CROT: variants seen among roughly 807,000 people sequenced by gnomAD.
CROT encodes the protein peroxisomal carnitine O-octanoyltransferase.
CROT carries 84 observed loss-of-function variants against 89.2 expected under a neutral mutation model. The ratio of observed to expected loss-of-function variants is 0.94; its 90% CI spans 0.79 to 1.13. The LOEUF (loss-of-function observed/expected upper bound fraction) is 1.13. CROT is among the 50% of genes most tolerant of loss of function. The pLI, the probability that CROT is intolerant of heterozygous loss-of-function variation, is 0.00. For synonymous variants in CROT, 212 were observed against 239.5 expected (o/e 0.89, Z 1.06); for missense variants, 711 against 727.8 (o/e 0.98, Z 0.27).
At chr7:87,393,969 A>C (rs1807446762) in intron 17 of CROT, among the ~76,000 whole-genome samples, 1 of 152,176 alleles carries the variant, frequency 6.6e-6, no homozygotes, top group Non-Finnish European at 1.5e-5. Context: ...GAATGCATAA[A>C]ATATATACAG....
Position 87,398,380 on chromosome 7 carries a change from A to G in CROT, c.1719-144A>G, listed in dbSNP as rs765143410. On this transcript the variant is annotated intron_variant, in intron 17 of 17. Coordinates refer to ENST00000331536, the MANE Select transcript of CROT (RefSeq NM_021151.4). ...ATCTACAGATATGGCTTTACCTTCA[A>G]TTGTGTCAGGTTACATTTACCTAAT... 2.3e-5 allele frequency: 22 copies of G among 970,412 alleles called. 1 individual carries two copies. The highest frequency in any genetic ancestry group is 1.3e-5 in the South Asian group (1 of 75,552). The allele number at this position is 970,412 out of a possible 1,614,324, so 60.1% of individuals were successfully genotyped here.
chr7:87,361,495 C>T lies in CROT; in HGVS notation c.346C>T (p.Pro116Ser). ...PAAHFEHYWP[P>S]KEGTQLERGS... ...AGCTCATTTTGAACACTACTGGCCT[C>T]CAAAGGAAGGGACTCAATTAGAAAG... Residue 116 changes from proline (P) to serine (S), a missense_variant, in exon 5 of 18, where the codon CCA (proline) becomes TCA (serine). By Grantham distance (74) the Pro-to-Ser change is moderately conservative (BLOSUM62 -1). Transcript: ENST00000331536. 2.5e-6 allele frequency: 4 copies of T among 1,612,202 alleles called. No homozygotes were observed. Among genetic ancestry groups the T allele is most frequent in the Non-Finnish European group, 3.4e-6 (4 of 1,179,506 alleles).
chr7:87,365,481 C>T (rs548300423), intron 6 of CROT, among the ~76,000 whole-genome samples: 32 of 144,502 alleles, frequency 2.2e-4, no homozygotes, highest in Non-Finnish European at 4.2e-4. Flanking sequence ...CAGAGTGAGA[C>T]TCCATCTCAA....
At chr7:87,395,499 G>A (rs1807497181) in intron 17 of CROT, among the ~76,000 whole-genome samples, 1 of 152,198 alleles carries the variant, frequency 6.6e-6, no homozygotes, top group Non-Finnish European at 1.5e-5. Context: ...AAGGCAGAAA[G>A]GGATAGGCCA....
chr7:87,392,684 T>G (rs1807403989), intron 15 of CROT, 40 bp downstream of exon 15: 1 of 1,609,978 alleles, frequency 6.2e-7, no homozygotes, highest in South Asian at 1.1e-5. Flanking sequence ...AAATCTCTCA[T>G]GGTGAAAAAT....
rs1020976056 is a variant in CROT, at chr7:87,383,789, G to A, written c.1301+1246G>A. 2.6e-5 allele frequency among the ~76,000 whole-genome samples: 4 copies of A among 152,124 alleles called. No homozygotes were observed. In the South Asian group the frequency reaches 8.3e-4, roughly 32 times the overall value. ...TGGGATTAGAGGTGTGAGCCACCAC[G>A]CCCGGCCCACATTTTCTTTATCCAT... On this transcript the variant is annotated intron_variant, in intron 13 of 17. Transcript: ENST00000331536.
chr7:87,349,411 CTT>C (rs1805801614), intron 3 of CROT, among the ~76,000 whole-genome samples: 2 of 152,206 alleles, frequency 1.3e-5, no homozygotes, highest in East Asian at 1.9e-4. Flanking sequence ...AGCAGACTGT[CTT>C]TAAGTTTTTC....
At position 87,391,492 on chromosome 7, in the gene CROT, GTC is replaced by G. The variant is rs1018693125; in HGVS notation, c.1302-93_1302-92del. 1.6e-5 allele frequency: 20 copies of G among 1,214,894 alleles called. No individual in the cohort carries two copies. In the African/African-American group the frequency reaches 3.0e-4, roughly 18 times the overall value. The allele number at this position is 1,214,894 out of a possible 1,614,324, so 75.3% of individuals were successfully genotyped here. On this transcript the variant is annotated intron_variant, in intron 13 of 17. Coordinates refer to ENST00000331536, the MANE Select transcript of CROT (RefSeq NM_021151.4). ...CAACCTATCTGTGTTAAAGGGCTTA[GTC>G]TCTGAACAAAGCTAGCTTTATTAGG...
chr7:87,390,580 C>T (rs1807327312), intron 13 of CROT, among the ~76,000 whole-genome samples: 1 of 152,188 alleles, frequency 6.6e-6, no homozygotes, highest in Non-Finnish European at 1.5e-5. Flanking sequence ...TACCCACATT[C>T]AGAGACTTTT....
At chr7:87,362,750 T>A (rs1158710776) in intron 6 of CROT, among the ~76,000 whole-genome samples, 1 of 152,194 alleles carries the variant, frequency 6.6e-6, no homozygotes, top group Non-Finnish European at 1.5e-5. Context: ...AGTTTACACT[T>A]ACTGAAGAGT....
At position 87,390,680 on chromosome 7, in the gene CROT, C is replaced by A. The variant is rs1807330716; in HGVS notation, c.1302-909C>A. On this transcript the variant is annotated intron_variant, in intron 13 of 17. Transcript: ENST00000331536. ...ATACCTAAAATTGCTATATCATTCTCCAACCCAGGAAAACAGATATCACCC... is the reference window on the plus strand; with the variant it reads ...ATACCTAAAATTGCTATATCATTCTACAACCCAGGAAAACAGATATCACCC... Among the ~76,000 whole-genome samples, 5 of 152,156 alleles carry A rather than the reference C, an allele frequency of 3.3e-5. No homozygotes were observed. In the South Asian group the frequency reaches 1.0e-3, roughly 32 times the overall value.
rs919668843 is a variant in CROT at position 87,377,099 on chromosome 7, A to C, written c.877-250A>C. On this transcript the variant is annotated intron_variant, in intron 9 of 17. Coordinates refer to ENST00000331536, the MANE Select transcript of CROT (RefSeq NM_021151.4). ...TTCTGTAAACATTCATGAATATTGT[A>C]CCAGCATTTTCTTTTCTGGTAGGAT... 4.6e-5 allele frequency among the ~76,000 whole-genome samples: 7 copies of C among 152,256 alleles called. No individual in the cohort carries two copies. The South Asian group carries it at 1.2e-3, about 27-fold the overall frequency.
chr7:87,369,927 G>T (rs1270761194), intron 7 of CROT, among the ~76,000 whole-genome samples: 7 of 142,386 alleles, frequency 4.9e-5, no homozygotes, highest in Admixed American at 2.8e-4. Flanking sequence ...ATGTATAGGG[G>T]ATTATATAAT....
At chr7:87,355,102 TA>T (rs1361511587) in intron 3 of CROT, among the ~76,000 whole-genome samples, 1 of 84,302 alleles carries the variant, frequency 1.2e-5, no homozygotes, top group Non-Finnish European at 2.4e-5. Context: ...CAAAAATATG[TA>T]TTTTTTTTTT....
rs1384908083 is a variant in CROT at position 87,351,327 on chromosome 7, A to AAAAAAG, written c.115+2149_115+2154dup. Among the ~76,000 whole-genome samples, 5 of 151,666 alleles carry AAAAAAG rather than the reference A, an allele frequency of 3.3e-5. No homozygotes were observed. The East Asian group carries it at 7.7e-4, about 23-fold the overall frequency. On this transcript the variant is annotated intron_variant, in intron 3 of 17. Transcript: ENST00000331536. ...CCATCTCAAAAAAAAAAAAAAAAAA[A>AAAAAAG]AAAAAGAAAAGGAAAGGAAAGCATT...
chr7:87,358,481 CA>C (rs11405316), intron 3 of CROT, among the ~76,000 whole-genome samples: 2,043 of 95,536 alleles, frequency 0.021, 8 homozygotes, highest in Middle Eastern at 0.085. Flanking sequence ...GACTCCATCT[CA>C]AAAAAAAAAA....
At chr7:87,374,198 C>T (rs1806733287) in intron 7 of CROT, among the ~76,000 whole-genome samples, 1 of 151,976 alleles carries the variant, frequency 6.6e-6, no homozygotes, top group Non-Finnish European at 1.5e-5. Flanking sequence ...AGCTGAAAAA[C>T]AGGTGCATAG....
In CROT at chr7:87,382,345, A is replaced by G. The variant is rs1807038794; in HGVS notation, c.1171-68A>G. The G allele has an allele frequency of 1.4e-5, 22 of 1,529,062 alleles. No homozygotes were observed. The South Asian group carries it at 2.7e-4, about 19-fold the overall frequency. The allele number at this position is 1,529,062 out of a possible 1,614,324, so 94.7% of individuals were successfully genotyped here. A position where few individuals can be genotyped will look rare whatever the true frequency, so the allele number is the denominator to read the frequency against. ...GGTGATTACTTTAATGCAGGTGATA[A>G]TTTGCTTCTCTTTGGTGTATTCTCC... On this transcript the variant is annotated intron_variant, in intron 12 of 17. Transcript: ENST00000331536.
chr7:87,362,568 T>TA (rs1554389772), intron 6 of CROT, among the ~76,000 whole-genome samples: 2 of 152,138 alleles, frequency 1.3e-5, no homozygotes, highest in Non-Finnish European at 2.9e-5. Context: ...AGTGCTGAGA[T>TA]TACAGGCATG....
Sources: allele counts gnomAD v4.1 joint callset (sites outside exome capture counted in the v4.1 genomes callset), GRCh38; gene constraint gnomAD v4.1.1; transcripts MANE v1.5; gene names NCBI Gene and HGNC (gene_info 2026-07-23, HGNC 2026-07-21).